The following RNF130 variants were observed in gnomAD, a reference collection of about 807,000 sequenced individuals.
The protein encoded by RNF130 is E3 ubiquitin-protein ligase RNF130.
A neutral mutation model predicts 44.6 loss-of-function variants in RNF130; 21 were observed. The ratio of observed to expected loss-of-function variants is 0.47; its 90% CI spans 0.33 to 0.68. RNF130 has a LOEUF of 0.68. Among genes scored for constraint, RNF130 ranks in the 30% least tolerant of loss-of-function variants. RNF130 has a pLI of 0.02. For synonymous variants in RNF130, 214 were observed against 210.4 expected, an observed-to-expected ratio of 1.02 and a Z score of -0.15; for missense variants, 479 against 560.6, an observed-to-expected ratio of 0.85 and a Z score of 1.47.
At position 180,013,073 on chromosome 5, in the gene RNF130, G is replaced by A. The variant is rs200542408; in HGVS notation, c.681C>T (p.Arg227=). 3.5e-5 allele frequency: 56 copies of A among 1,613,130 alleles called. 1 individual carries two copies. The highest frequency in any genetic ancestry group is 2.0e-4 in the African/African-American group (15 of 74,864). The change falls in exon 3 of 9, where the codon CGC becomes CGT. Residue 227 remains arginine (R), a synonymous_variant. Transcript: ENST00000521389. ...GTACTGAGCTCACCTGGTTCCTGTC[G>A]CGTGCATTTGTGTACCTGATCTTCT... ...FIQKIRYTNA[R]DRNQRRLGDA... is the part of the protein sequence containing the mutation.
intron 2 of RNF130, among the ~76,000 whole-genome samples, chr5:180,022,274 AT>A (rs1191363519): frequency 2.0e-5 from 3 of 152,154 alleles, no homozygotes; most frequent in Non-Finnish European, 4.4e-5. Context: ...CTAGGTAAAT[AT>A]TCCATCCTCA....
At chr5:179,928,000 C>T (rs1325763207) in intron 7 of RNF130, among the ~76,000 whole-genome samples, 3 of 152,138 alleles carry the variant, frequency 2.0e-5, no homozygotes, top group Non-Finnish European at 2.9e-5. Flanking sequence ...AACATCCATC[C>T]GCCTCAGGGA....
At chr5:180,060,754 A>T (rs1764959623) in intron 1 of RNF130, among the ~76,000 whole-genome samples, 1 of 152,218 alleles carries the variant, frequency 6.6e-6, no homozygotes, top group African/African-American at 2.4e-5. Context: ...ATAAAGCAAA[A>T]GGCTAAGAAC....
chr5:179,941,096 T>C (rs921674925), intron 7 of RNF130, among the ~76,000 whole-genome samples: 1 of 152,204 alleles, frequency 6.6e-6, no homozygotes, highest in Non-Finnish European at 1.5e-5. Flanking sequence ...TTAATTATTT[T>C]AAAAGTCTGT....
At chr5:180,067,182 G>C (rs935946702) in intron 1 of RNF130, among the ~76,000 whole-genome samples, 1 of 152,212 alleles carries the variant, frequency 6.6e-6, no homozygotes, top group Non-Finnish European at 1.5e-5. Flanking sequence ...CACAAGCTTT[G>C]TCATCTGACA....
intron 7 of RNF130, among the ~76,000 whole-genome samples, chr5:179,940,579 T>C (rs1761957701): frequency 1.3e-5 from 2 of 152,172 alleles, no homozygotes; most frequent in African/African-American, 4.8e-5. Flanking sequence ...GTTATGAGAA[T>C]TTCATCTCAA....
rs182405032 is a variant in RNF130, at chr5:179,928,955, A to C, written c.1151-8529T>G. Among the ~76,000 whole-genome samples, 7 of 152,226 alleles carry C rather than the reference A, an allele frequency of 4.6e-5. No homozygotes were observed. The East Asian group carries it at 5.8e-4, about 13-fold the overall frequency. ...TCCAAAACTGTATTTTGATGAGCAA[A>C]ATTTCTTAATTTTAGTGTGGAACAA... On this transcript the variant is annotated intron_variant, in intron 7 of 7. Transcript: ENST00000522208.
chr5:180,047,611 G>A (rs1459178366), intron 1 of RNF130, among the ~76,000 whole-genome samples: 1 of 152,160 alleles, frequency 6.6e-6, no homozygotes, highest in East Asian at 1.9e-4. Context: ...TTGGCGTGGT[G>A]TGTAGGCCTG....
intron 3 of RNF130, among the ~76,000 whole-genome samples, chr5:180,004,930 C>T (rs1468865607): frequency 1.3e-5 from 2 of 152,084 alleles, no homozygotes; most frequent in African/African-American, 4.8e-5. Context: ...CCATTTTTTC[C>T]CATTTTTTTT....
intron 2 of RNF130, among the ~76,000 whole-genome samples, chr5:180,033,733 G>GT (rs1764187054): frequency 1.3e-5 from 2 of 151,402 alleles, no homozygotes; most frequent in Admixed American, 6.6e-5. Flanking sequence ...AATACAATTG[G>GT]TTTTTGTATA....
intron 1 of RNF130, among the ~76,000 whole-genome samples, chr5:180,063,554 C>T (rs1372128706): frequency 6.6e-6 from 1 of 152,162 alleles, no homozygotes; most frequent in African/African-American, 2.4e-5. Context: ...AATAGGAAGC[C>T]AAGCGCATGA....
chr5:179,933,938 T>C, intron 7 of RNF130: 1 of 490,632 alleles, frequency 2.0e-6, no homozygotes, highest in East Asian at 4.7e-5. Flanking sequence ...CTGCCATTTT[T>C]TCTAGATCTT....
downstream of RNF130, among the ~76,000 whole-genome samples, chr5:179,950,691 C>CT (rs1445572604): frequency 6.6e-6 from 1 of 152,210 alleles, no homozygotes; most frequent in African/African-American, 2.4e-5. Flanking sequence ...CAAAAATTCT[C>CT]TATCTGGCCT....
intron 1 of RNF130, among the ~76,000 whole-genome samples, chr5:180,055,904 T>C (rs1764808146): frequency 6.6e-6 from 1 of 151,756 alleles, no homozygotes; most frequent in Non-Finnish European, 1.5e-5. Flanking sequence ...GCCAACAGGG[T>C]GAAACCCTGT....
At chr5:179,950,820 T>A (rs1331962122), downstream of RNF130, among the ~76,000 whole-genome samples, 1 of 152,216 alleles carries the variant, frequency 6.6e-6, no homozygotes, top group African/African-American at 2.4e-5. Context: ...CCTCCTGATG[T>A]ACTTCAGCAT....
chr5:180,039,390 C>T (rs1378521269), intron 2 of RNF130, among the ~76,000 whole-genome samples: 2 of 152,130 alleles, frequency 1.3e-5, no homozygotes, highest in African/African-American at 4.8e-5. Flanking sequence ...GTACCCTCCA[C>T]CGTGCCCAGC....
At chr5:180,022,445 T>C (rs1763895389) in intron 2 of RNF130, among the ~76,000 whole-genome samples, 1 of 152,246 alleles carries the variant, frequency 6.6e-6, no homozygotes, top group Non-Finnish European at 1.5e-5. Flanking sequence ...TAACTTATTC[T>C]TTTCTGGACA....
At chr5:179,927,989 C>T (rs893414663) in intron 7 of RNF130, among the ~76,000 whole-genome samples, 1 of 152,254 alleles carries the variant, frequency 6.6e-6, no homozygotes, top group Non-Finnish European at 1.5e-5. Context: ...ATTTATGTTG[C>T]AACATCCATC....
intron 7 of RNF130, chr5:179,964,228 G>A (rs551406601): frequency 5.2e-5 from 8 of 152,420 alleles, no homozygotes; most frequent in Middle Eastern, 3.4e-3. Context: ...TAGGAGGGGC[G>A]GGCGACTGAC....
Sources: gnomAD v4.1 joint callset for allele counts (sites outside exome capture counted in the v4.1 genomes callset) on GRCh38, gnomAD v4.1.1 for gene constraint, MANE v1.5 for transcripts, NCBI Gene and HGNC (gene_info 2026-07-23, HGNC 2026-07-21) for gene names.